The following ADARB1 variants were observed in gnomAD, a reference collection of about 807,000 sequenced individuals.
ADARB1 encodes the protein double-stranded RNA-specific editase 1.
In ADARB1, 10 loss-of-function variants were observed where a neutral mutation model predicts 52.4. The observed-to-expected ratio is 0.19, with a 90% CI of 0.12 to 0.32. The LOEUF is 0.32. Ranked by LOEUF, ADARB1 falls within the 10% of genes least tolerant of loss-of-function variation. The pLI is 1.00. For missense variants in ADARB1, 643 were observed against 922.3 expected (o/e 0.70, Z 3.92); for synonymous variants, 349 against 371.1 (o/e 0.94, Z 0.68).
chr21:45,172,959 C>T lies in ADARB1; in HGVS notation c.28+1275C>T, dbSNP rs752462524. On this transcript the variant is annotated intron_variant, in intron 3 of 10. Transcript: ENST00000348831. This position sits in a 1 kb window ranked among gnomAD's most constrained non-coding sequence, Gnocchi z 4.4. Reference sequence around the variant, plus strand: ...GTGACAAGTTTTAAGAGAGAGGTTACGTCCATACTCCTCATTTGAGAAAAT... The same window carrying T: ...GTGACAAGTTTTAAGAGAGAGGTTATGTCCATACTCCTCATTTGAGAAAAT... Among the ~76,000 whole-genome samples, 4 of 152,196 alleles carry T rather than the reference C, an allele frequency of 2.6e-5. No homozygotes were observed. Among genetic ancestry groups the T allele is most frequent in the Non-Finnish European group, 5.9e-5 (4 of 68,028 alleles).
At chr21:45,207,412 T>TG (rs1211377113) in intron 9 of ADARB1, among the ~76,000 whole-genome samples, 1 of 151,994 alleles carries the variant, frequency 6.6e-6, no homozygotes, top group Non-Finnish European at 1.5e-5. Flanking sequence ...TGGAGCAGGA[T>TG]GGGAGGGCAG....
At chr21:45,076,243 G>T (rs2085929581) in intron 1 of ADARB1, among the ~76,000 whole-genome samples, 1 of 152,234 alleles carries the variant, frequency 6.6e-6, no homozygotes, top group Admixed American at 6.5e-5. Flanking sequence ...TTGGATAAGA[G>T]AATTAACTGT....
rs564574331 is a variant in ADARB1 at position 45,208,668 on chromosome 21, G to A, written c.1747+3932G>A. Among the ~76,000 whole-genome samples, 77 of 152,026 alleles carry A rather than the reference G, an allele frequency of 5.1e-4. No individual in the cohort carries two copies. The highest frequency in any genetic ancestry group is 1.4e-3 in the African/African-American group (58 of 41,470). On this transcript the variant is annotated intron_variant, in intron 9 of 10. Transcript: ENST00000348831. The surrounding 1 kb of genome is among the most constrained non-coding windows in gnomAD (Gnocchi z 5.6). ...TGCATGTGAGTGTGTGCATGAGTGC[G>A]TGTGTGTATGAGTGTGTGTGCATGT...
intron 1 of ADARB1, among the ~76,000 whole-genome samples, chr21:45,075,104 C>T (rs1485162283): frequency 6.6e-6 from 1 of 150,756 alleles, no homozygotes. Flanking sequence ...GGCAGGTGCG[C>T]CGGGACGAGG....
intron 2 of ADARB1, among the ~76,000 whole-genome samples, chr21:45,138,221 C>G (rs2089502512): frequency 2.0e-5 from 3 of 152,230 alleles, no homozygotes; most frequent in Admixed American, 1.3e-4. Flanking sequence ...TAGACATTAA[C>G]TGTGCACTGT....
chr21:45,198,494 A>ACAC (rs1162665743), intron 8 of ADARB1, among the ~76,000 whole-genome samples: 6 of 145,898 alleles, frequency 4.1e-5, no homozygotes, highest in South Asian at 2.2e-4. Context: ...CTATTAAATT[A>ACAC]AATCACACAC....
Position 45,175,762 on chromosome 21 carries a change from A to C in ADARB1, c.61A>C (p.Asn21His), listed in dbSNP as rs766996044. 2.6e-5 allele frequency: 42 copies of C among 1,613,988 alleles called. No individual in the cohort carries two copies. The highest frequency in any genetic ancestry group is 3.4e-5 in the Non-Finnish European group (40 of 1,179,990). The stretch of plus-strand genomic sequence containing the variant: ...CAGCACTGATGTGAAGGAAAACCGC[A>C]ATCTGGACAACGTGTCCCCCAAGGA... ...SSSTDVKENRNLDNVSPKDGS... is the reference protein window; with the variant it reads ...SSSTDVKENRHLDNVSPKDGS... The change falls in exon 4 of 11, where the codon AAT (asparagine) becomes CAT (histidine). Residue 21 changes from asparagine (N) to histidine (H), a missense_variant. By Grantham distance (68) the Asn-to-His change is moderately conservative. This residue lies in a region of ADARB1 where 380 missense variants were observed against 446.5 expected (regional missense o/e 0.85). Coordinates refer to ENST00000348831, the MANE Select transcript of ADARB1 (RefSeq NM_001112.4).
At chr21:45,161,554 G>A (rs781447884) in intron 2 of ADARB1, among the ~76,000 whole-genome samples, 7 of 152,216 alleles carry the variant, frequency 4.6e-5, no homozygotes, top group East Asian at 1.9e-4. Context: ...AGGCCAACGC[G>A]GGGCTGAGGG....
chr21:45,103,982 C>A (rs890302103), intron 1 of ADARB1, among the ~76,000 whole-genome samples: 1 of 152,048 alleles, frequency 6.6e-6, no homozygotes, highest in Admixed American at 6.6e-5. Flanking sequence ...TTTTGAAAAC[C>A]GAGTAGTCAG....
In ADARB1 at chr21:45,109,208, C is replaced by T. The variant is rs533213941; in HGVS notation, c.-219-19194C>T. ...GTATATGTGTGTGCACGTGTGTTTG[C>T]GCGCGTGTGTGCGCGCTTGTGTGTA... On this transcript the variant is annotated intron_variant, in intron 1 of 10. Coordinates refer to ENST00000348831, the MANE Select transcript of ADARB1 (RefSeq NM_001112.4). Among the ~76,000 whole-genome samples the T allele has an allele frequency of 6.1e-5, 9 of 148,092 alleles. No homozygotes were observed. In the South Asian group the frequency reaches 1.5e-3, roughly 24 times the overall value.
intron 2 of ADARB1, among the ~76,000 whole-genome samples, chr21:45,160,678 G>A (rs1363217688): frequency 6.6e-6 from 1 of 152,180 alleles, no homozygotes; most frequent in Non-Finnish European, 1.5e-5. Context: ...ATAACGTTAT[G>A]GATTTTATTG....
intron 9 of ADARB1, among the ~76,000 whole-genome samples, chr21:45,206,539 C>T (rs1410177950): frequency 6.9e-6 from 1 of 144,518 alleles, no homozygotes; most frequent in African/African-American, 2.6e-5. Flanking sequence ...TTATCCTTTC[C>T]TCCTCAATAT....
chr21:45,221,894 C>A lies in ADARB1; in HGVS notation c.1927-124C>A. The A allele has an allele frequency of 1.9e-6, 2 of 1,066,406 alleles. No homozygotes were observed. Among genetic ancestry groups the A allele is most frequent in the Non-Finnish European group, 1.4e-6 (1 of 738,216 alleles). The allele number at this position is 1,066,406 out of a possible 1,614,324, so 66.1% of individuals were successfully genotyped here. A position where few individuals can be genotyped will look rare whatever the true frequency, so the allele number is the denominator to read the frequency against. On this transcript the variant is annotated intron_variant, in intron 10 of 10. Transcript: ENST00000348831. The surrounding 1 kb of genome is among the most constrained non-coding windows in gnomAD (Gnocchi z 4.9). ...CGTTCCCTTGGCAGAAGGCGCCTTC[C>A]TCTGGGTTGCTTTCCCCCCAGAAGC...
At chr21:45,182,958 G>T (rs960445267) in intron 6 of ADARB1, among the ~76,000 whole-genome samples, 1 of 152,108 alleles carries the variant, frequency 6.6e-6, no homozygotes. Context: ...ACATAACATG[G>T]TCATAAATTT....
intron 5 of ADARB1, among the ~76,000 whole-genome samples, chr21:45,180,716 A>G (rs1019207077): frequency 3.9e-5 from 6 of 152,298 alleles, no homozygotes; most frequent in East Asian, 1.9e-4. Flanking sequence ...AATGGCCTCA[A>G]TCTGCTCTGG....
intron 2 of ADARB1, among the ~76,000 whole-genome samples, chr21:45,140,970 G>A (rs958604399): frequency 6.6e-6 from 1 of 152,148 alleles, no homozygotes; most frequent in Non-Finnish European, 1.5e-5. Context: ...CAGGAGGATT[G>A]CTTAAGCCCA....
intron 1 of ADARB1, among the ~76,000 whole-genome samples, chr21:45,113,974 C>T (rs1395611913): frequency 6.6e-6 from 1 of 152,182 alleles, no homozygotes; most frequent in Non-Finnish European, 1.5e-5. Context: ...CCTGTTAAAG[C>T]ACCAGAATTC....
intron 2 of ADARB1, among the ~76,000 whole-genome samples, chr21:45,136,088 C>G (rs747575466): frequency 6.6e-6 from 1 of 151,954 alleles, no homozygotes; most frequent in Non-Finnish European, 1.5e-5. Flanking sequence ...TCAGAGGGAT[C>G]GGAGGGAGGG....
At position 45,123,464 on chromosome 21, in the gene ADARB1, T is replaced by A. The variant is rs391834; in HGVS notation, c.-219-4938T>A. On this transcript the variant is annotated intron_variant, in intron 1 of 10. Coordinates refer to ENST00000348831, the MANE Select transcript of ADARB1 (RefSeq NM_001112.4). The stretch of plus-strand genomic sequence containing the variant: ...GATTACAGACATGAGCCACCACTCC[T>A]GGCTAATTTTGTTTACTTTTTATAG... Among the ~76,000 whole-genome samples, 30 of 152,066 alleles carry A rather than the reference T, an allele frequency of 2.0e-4. 1 individual carries two copies. The highest frequency in any genetic ancestry group is 1.6e-4 in the Non-Finnish European group (11 of 68,026).
Sources: gnomAD v4.1 joint callset for allele counts (sites outside exome capture counted in the v4.1 genomes callset) on GRCh38, gnomAD v4.1.1 for gene constraint, gnomAD v4.1.1 regional missense constraint, Gnocchi (gnomAD v3.1) non-coding constraint, MANE v1.5 for transcripts, NCBI Gene and HGNC (gene_info 2026-07-23, HGNC 2026-07-21) for gene names.